The following GRHL2 variants were observed in gnomAD, a reference collection of about 807,000 sequenced individuals.
The protein encoded by GRHL2 is grainyhead-like protein 2 homolog.
Under a neutral mutation model 83.8 loss-of-function variants are expected in GRHL2, and 21 were observed. The observed-to-expected ratio is 0.25, with a 90% CI of 0.18 to 0.36. The LOEUF (loss-of-function observed/expected upper bound fraction) is 0.36. Among genes scored for constraint, GRHL2 ranks in the 10% least tolerant of loss-of-function variants. The probability of loss-of-function intolerance (pLI) is 1.00; values close to 1 mark genes in which losing one functional copy is unlikely to be tolerated. For synonymous variants in GRHL2, 280 were observed against 278.9 expected (o/e 1.00, Z -0.04); for missense variants, 623 against 781.8 (o/e 0.80, Z 2.42).
At chr8:101,647,605 T>C (rs566200656) in intron 13 of GRHL2, among the ~76,000 whole-genome samples, 16 of 152,344 alleles carry the variant, frequency 1.1e-4, no homozygotes, top group African/African-American at 3.6e-4. Context: ...TTAGCTGAAA[T>C]GAAGGCTATA....
chr8:101,549,879 G>A (rs563295341), intron 2 of GRHL2, among the ~76,000 whole-genome samples: 66 of 151,832 alleles, frequency 4.3e-4, no homozygotes, highest in Non-Finnish European at 7.9e-4. Flanking sequence ...CCTGTCGGTA[G>A]CACAGTTTTA....
chr8:101,571,299 T>G (rs1337377367), intron 5 of GRHL2, among the ~76,000 whole-genome samples: 1 of 152,082 alleles, frequency 6.6e-6, no homozygotes, highest in Admixed American at 6.5e-5. Context: ...GAAGGAAGAT[T>G]AAGAACATTC....
intron 3 of GRHL2, among the ~76,000 whole-genome samples, chr8:101,554,406 A>C (rs1239159058): frequency 6.6e-6 from 1 of 152,228 alleles, no homozygotes; most frequent in African/African-American, 2.4e-5. Flanking sequence ...AGTTTAAGCC[A>C]TGTGCTCTGT....
chr8:101,537,390 C>G (rs561210414), intron 1 of GRHL2, among the ~76,000 whole-genome samples: 1 of 152,170 alleles, frequency 6.6e-6, no homozygotes, highest in Admixed American at 6.5e-5. Context: ...GAATGGTTGG[C>G]TAAAGAGAAG....
At chr8:101,526,525 C>CTTTTTTTTTTT (rs33928032) in intron 1 of GRHL2, among the ~76,000 whole-genome samples, 1 of 109,658 alleles carries the variant, frequency 9.1e-6, no homozygotes, top group Non-Finnish European at 1.8e-5. Context: ...TCTTTTTTTC[C>CTTTTTTTTTTT]TTTTTTTTTT....
At chr8:101,678,767 C>A in the GRHL2 span, among the ~76,000 whole-genome samples, 2 of 152,128 alleles carry the variant, frequency 1.3e-5, no homozygotes, top group Admixed American at 6.5e-5. Flanking sequence ...CAAGCGGGTC[C>A]TTGACCCCCA....
At chr8:101,515,528 C>T (rs1056821652) in intron 1 of GRHL2, among the ~76,000 whole-genome samples, 1 of 152,174 alleles carries the variant, frequency 6.6e-6, no homozygotes, top group African/African-American at 2.4e-5. Context: ...TGTTGAAAAC[C>T]AAGACGTGTT....
chr8:101,628,079 T>C (rs1813115304), intron 9 of GRHL2, among the ~76,000 whole-genome samples: 1 of 152,160 alleles, frequency 6.6e-6, no homozygotes, highest in African/African-American at 2.4e-5. Context: ...ACTAAGATCA[T>C]TGATGAAGGT....
chr8:101,610,406 G>C (rs1430002542), intron 8 of GRHL2, among the ~76,000 whole-genome samples: 2 of 150,654 alleles, frequency 1.3e-5, no homozygotes, highest in Non-Finnish European at 2.9e-5. Flanking sequence ...TGAACTGGGG[G>C]ACCCTGGGAA....
intron 11 of GRHL2, among the ~76,000 whole-genome samples, chr8:101,632,705 G>A (rs1192744412): frequency 6.6e-6 from 1 of 152,208 alleles, no homozygotes; most frequent in African/African-American, 2.4e-5. Context: ...TCCACCTAAT[G>A]GTGAGAAGTT....
intron 11 of GRHL2, among the ~76,000 whole-genome samples, 192 bp downstream of exon 11, chr8:101,632,557 G>A (rs1813207517): frequency 6.6e-6 from 1 of 152,196 alleles, no homozygotes; most frequent in South Asian, 2.1e-4. Context: ...AAACTAAGTC[G>A]AAGAGGAGAG....
At chr8:101,598,233 C>A (rs1812436626) in intron 7 of GRHL2, among the ~76,000 whole-genome samples, 1 of 126,034 alleles carries the variant, frequency 7.9e-6, no homozygotes, top group Admixed American at 1.1e-4. Flanking sequence ...ATACCTAAGT[C>A]CAAAAAGATT....
Position 101,542,665 on chromosome 8 carries a change from A to G in GRHL2, c.21-576A>G, listed in dbSNP as rs1211548909. 2.0e-5 allele frequency: 9 copies of G among 445,614 alleles called. No homozygotes were observed. In the East Asian group the frequency reaches 2.1e-4, roughly 10 times the overall value. The allele number at this position is 445,614 out of a possible 1,614,324, so 27.6% of individuals were successfully genotyped here. ...TTGTTTTAGTCAATTTTGTGCTGCT[A>G]TAACAGAATACCTGACCCTGGGTAG... On this transcript the variant is annotated intron_variant, in intron 1 of 15. Coordinates refer to ENST00000646743, the MANE Select transcript of GRHL2 (RefSeq NM_024915.4).
rs558255119 is a variant in GRHL2 at position 101,576,694 on chromosome 8, G to A, written c.892-714G>A. Among the ~76,000 whole-genome samples, 12 of 152,132 alleles carry A rather than the reference G, an allele frequency of 7.9e-5. 1 individual carries two copies. The South Asian group carries it at 2.1e-3, about 26-fold the overall frequency. ...GTACTGTCTCCATTTCATAAGTGAC[G>A]GTGAATTAATGTGTATTTAGTTTAA... On this transcript the variant is annotated intron_variant, in intron 6 of 15. Transcript: ENST00000646743.
In GRHL2 at chr8:101,598,975, C is replaced by T. The variant is rs1812455303; in HGVS notation, c.1004-82C>T. On this transcript the variant is annotated intron_variant, in intron 7 of 15. Transcript: ENST00000646743. ...GAAAAATAAACGAAGTTTAAATTTA[C>T]CCATTGGAAAATGATGGTTCAGTAC... is the stretch of plus-strand genomic sequence containing the variant. 9.7e-6 allele frequency: 9 copies of T among 926,630 alleles called. No homozygotes were observed. In the South Asian group the frequency reaches 1.1e-4, roughly 11 times the overall value. The allele number at this position is 926,630 out of a possible 1,614,324, so 57.4% of individuals were successfully genotyped here. A position where few individuals can be genotyped will look rare whatever the true frequency, so the allele number is the denominator to read the frequency against.
intron 10 of GRHL2, 47 bp from the exon 11 acceptor site, chr8:101,632,179 A>G (rs1348844665): frequency 1.2e-6 from 2 of 1,606,890 alleles, no homozygotes; most frequent in Admixed American, 3.3e-5. Flanking sequence ...GAGAGTTCTT[A>G]GTCATATATG....
intron 14 of GRHL2, among the ~76,000 whole-genome samples, chr8:101,650,413 T>C (rs1813598672): frequency 6.6e-6 from 1 of 152,220 alleles, no homozygotes. Flanking sequence ...TTTCCACTTA[T>C]CAGTTGATGG....
intron 3 of GRHL2, among the ~76,000 whole-genome samples, 162 bp downstream of exon 3, chr8:101,552,944 G>T (rs554312647): frequency 6.6e-6 from 1 of 152,316 alleles, no homozygotes; most frequent in African/African-American, 2.4e-5. Context: ...AATGAGGAGA[G>T]CAAATTGCAT....
At chr8:101,623,843 G>GACAGTTTACAGTAC (rs1454689082) in intron 9 of GRHL2, among the ~76,000 whole-genome samples, 1 of 148,172 alleles carries the variant, frequency 6.7e-6, no homozygotes, top group African/African-American at 2.5e-5. Context: ...TACACAGTAG[G>GACAGTTTACAGTAC]ACAGTTTACA....
Sources: allele counts gnomAD v4.1 joint callset (sites outside exome capture counted in the v4.1 genomes callset), GRCh38; gene constraint gnomAD v4.1.1; transcripts MANE v1.5; gene names NCBI Gene and HGNC (gene_info 2026-07-23, HGNC 2026-07-21).